Variants in KCNB2 observed in about 807,000 individuals in gnomAD.
KCNB2 encodes the protein delayed rectifier potassium channel protein.
In KCNB2, 15 loss-of-function variants were observed where a neutral mutation model predicts 61.5. That is an observed-to-expected ratio of 0.24 (90% CI 0.16 to 0.38). KCNB2 has a LOEUF of 0.38. Ranked by LOEUF, KCNB2 falls within the 10% of genes least tolerant of loss-of-function variation. The pLI is 1.00. For missense variants in KCNB2, 828 were observed against 1,125.2 expected (o/e 0.74, Z 3.78); for synonymous variants, 457 against 446.0 (o/e 1.02, Z -0.31).
At chr8:72,665,857 C>T (rs1806461868) in intron 2 of KCNB2, among the ~76,000 whole-genome samples, 1 of 152,244 alleles carries the variant, frequency 6.6e-6, no homozygotes, top group South Asian at 2.1e-4. Context: ...TCAAGCTAAT[C>T]ACTAACCACA....
intron 2 of KCNB2, among the ~76,000 whole-genome samples, chr8:72,616,507 G>A (rs1014301776): frequency 3.3e-5 from 5 of 152,066 alleles, no homozygotes; most frequent in Non-Finnish European, 7.4e-5. Flanking sequence ...TTTTCATTCA[G>A]GTCTCAGTTC....
rs569697939 is a variant in KCNB2, at chr8:72,889,554, C to G, written c.580-46381C>G. On this transcript the variant is annotated intron_variant, in intron 2 of 2. Transcript: ENST00000523207. ...AATAAAAATTTCACCAGGCATGGTG[C>G]TGCATGCCTGTAATCCCAGCCACTC... Among the ~76,000 whole-genome samples the G allele has an allele frequency of 7.9e-5, 12 of 152,038 alleles. No homozygotes were observed. The South Asian group carries it at 2.5e-3, about 32-fold the overall frequency.
At chr8:72,597,665 T>C (rs752019585) in intron 2 of KCNB2, among the ~76,000 whole-genome samples, 4 of 152,178 alleles carry the variant, frequency 2.6e-5, no homozygotes, top group Non-Finnish European at 4.4e-5. Context: ...GAATTAACTT[T>C]ATTGGGTAGG....
intron 2 of KCNB2, among the ~76,000 whole-genome samples, chr8:72,657,120 A>G (rs1388944407): frequency 6.6e-6 from 1 of 152,190 alleles, no homozygotes; most frequent in Non-Finnish European, 1.5e-5. Flanking sequence ...TTTAAAACAT[A>G]TGGTAGGCAC....
intron 2 of KCNB2, among the ~76,000 whole-genome samples, chr8:72,853,457 C>T (rs994163188): frequency 1.3e-5 from 2 of 152,286 alleles, no homozygotes; most frequent in Admixed American, 6.5e-5. Context: ...TTCCTCACTC[C>T]CCTTCTGCTG....
chr8:72,927,035 C>T (rs1214344768), intron 2 of KCNB2, among the ~76,000 whole-genome samples: 1 of 152,148 alleles, frequency 6.6e-6, no homozygotes, highest in Non-Finnish European at 1.5e-5. Context: ...CTGGGACTTT[C>T]CTTGGAGTTT....
chr8:72,596,549 C>T (rs931974135), intron 2 of KCNB2, among the ~76,000 whole-genome samples: 2 of 151,996 alleles, frequency 1.3e-5, no homozygotes, highest in African/African-American at 4.8e-5. Context: ...GAAGACATGC[C>T]CATCATTGTT....
chr8:72,725,600 T>TAC (rs1807633928), intron 2 of KCNB2, among the ~76,000 whole-genome samples: 2 of 124,536 alleles, frequency 1.6e-5, no homozygotes, highest in African/African-American at 7.1e-5. Context: ...TGTATATATA[T>TAC]ATATATATAT....
chr8:72,809,292 C>T (rs1313379416), intron 2 of KCNB2, among the ~76,000 whole-genome samples: 1 of 152,134 alleles, frequency 6.6e-6, no homozygotes, highest in African/African-American at 2.4e-5. Context: ...ACACTTTAAC[C>T]AGTTTCCCTA....
chr8:72,608,844 C>T (rs1161866989), intron 2 of KCNB2, among the ~76,000 whole-genome samples: 1 of 152,160 alleles, frequency 6.6e-6, no homozygotes, highest in Non-Finnish European at 1.5e-5. Flanking sequence ...CTTGGCCCAA[C>T]TTGTGAAGTT....
At chr8:72,822,156 G>C (rs1809523174) in intron 2 of KCNB2, among the ~76,000 whole-genome samples, 1 of 152,130 alleles carries the variant, frequency 6.6e-6, no homozygotes, top group Non-Finnish European at 1.5e-5. Flanking sequence ...CTTTCTTCAG[G>C]AATTAGCTGT....
chr8:72,905,521 A>T (rs1806162265), intron 2 of KCNB2, among the ~76,000 whole-genome samples: 1 of 150,274 alleles, frequency 6.7e-6, no homozygotes, highest in African/African-American at 2.5e-5. Flanking sequence ...ATGAGGAAGA[A>T]AGCTTTCAGT....
At chr8:72,659,783 A>AT (rs1410786580) in intron 2 of KCNB2, among the ~76,000 whole-genome samples, 2 of 152,174 alleles carry the variant, frequency 1.3e-5, no homozygotes, top group Non-Finnish European at 2.9e-5. Context: ...GATCATTAGC[A>AT]TTTTTTCATA....
intron 2 of KCNB2, among the ~76,000 whole-genome samples, chr8:72,882,520 T>TGAGAGAGAGA (rs147239924): frequency 0.016 from 1,789 of 115,376 alleles, 42 homozygotes; most frequent in African/African-American, 0.031. Flanking sequence ...TGCTGACAGT[T>TGAGAGAGAGA]GAGAGAGAGA....
In KCNB2 at chr8:72,693,883, C is replaced by T. The variant is rs148002358; in HGVS notation, c.579+125570C>T. 5.1e-3 allele frequency among the ~76,000 whole-genome samples: 776 copies of T among 152,300 alleles called. 6 individuals carry two copies. The highest frequency in any genetic ancestry group is 0.017 in the African/African-American group (721 of 41,562). ...AATTATCCTAAATCTGGATTTCCCT[C>T]AAACATAATACTGTGCCTTAGAGTT... On this transcript the variant is annotated intron_variant, in intron 2 of 2. Transcript: ENST00000523207.
chr8:72,739,581 C>T (rs779279801), intron 2 of KCNB2, among the ~76,000 whole-genome samples: 1 of 151,718 alleles, frequency 6.6e-6, no homozygotes, highest in Non-Finnish European at 1.5e-5. Flanking sequence ...AAGGAATGGT[C>T]TGGAGGTGCA....
intron 2 of KCNB2, among the ~76,000 whole-genome samples, chr8:72,763,177 T>C (rs1808411890): frequency 6.6e-6 from 1 of 152,056 alleles, no homozygotes; most frequent in Non-Finnish European, 1.5e-5. Flanking sequence ...TTCTCACTAA[T>C]GATGTATGTT....
intron 2 of KCNB2, among the ~76,000 whole-genome samples, chr8:72,601,608 CA>C (rs1357865082): frequency 6.6e-6 from 1 of 152,174 alleles, no homozygotes; most frequent in Non-Finnish European, 1.5e-5. Flanking sequence ...TGGTGGGACT[CA>C]TTACAACTTG....
intron 2 of KCNB2, among the ~76,000 whole-genome samples, chr8:72,753,419 G>A (rs968134107): frequency 6.6e-6 from 1 of 152,136 alleles, no homozygotes; most frequent in Non-Finnish European, 1.5e-5. Flanking sequence ...AATCAGGCAA[G>A]CGCAGTGTCT....
Sources: allele counts gnomAD v4.1 joint callset (sites outside exome capture counted in the v4.1 genomes callset), GRCh38; gene constraint gnomAD v4.1.1; transcripts MANE v1.5; gene names NCBI Gene and HGNC (gene_info 2026-07-23, HGNC 2026-07-21).